HEPH: variants seen among roughly 807,000 people sequenced by gnomAD.
HEPH encodes hephaestin.
A neutral mutation model predicts 80.8 loss-of-function variants in HEPH; 69 were observed. The ratio of observed to expected loss-of-function variants is 0.85; its 90% CI spans 0.70 to 1.04. The LOEUF is 1.04. Ranked by LOEUF, HEPH falls within the 50% of genes least tolerant of loss-of-function variation. The pLI is 0.00. For missense variants in HEPH, 1,115 were observed against 891.3 expected, an observed-to-expected ratio of 1.25 and a Z score of -3.20; for synonymous variants, 431 against 322.8, an observed-to-expected ratio of 1.34 and a Z score of -3.60.
intron 5 of HEPH, among the ~76,000 whole-genome samples, 177 bp downstream of exon 5, chrX:66,188,718 T>C (rs993451997): frequency 8.9e-6 from 1 of 112,279 alleles, no homozygotes; most frequent in African/African-American, 3.2e-5. Flanking sequence ...CTCCTAAGAT[T>C]ATGCAGCAGA....
chrX:66,166,430 G>C (rs982266712), intron 1 of HEPH, among the ~76,000 whole-genome samples: 89 of 111,601 alleles, frequency 8.0e-4, no homozygotes, highest in African/African-American at 2.8e-3. Context: ...CCCGATCTCA[G>C]GTGATCCACC....
intron 1 of HEPH, among the ~76,000 whole-genome samples, chrX:66,168,095 A>T (rs2086450073): frequency 8.9e-6 from 1 of 112,123 alleles, no homozygotes; most frequent in African/African-American, 3.2e-5. Flanking sequence ...GCAGGTCATG[A>T]GATGGAAAGG....
At chrX:66,203,220 C>A in intron 12 of HEPH, 144 bp from the exon 13 acceptor site, 1 of 466,098 alleles carries the variant, frequency 2.1e-6, no homozygotes, top group African/African-American at 2.4e-5. Context: ...ACTCTTTTAT[C>A]TATGTGTAGT....
At chrX:66,254,134 A>G (rs1391737193) in intron 15 of HEPH, among the ~76,000 whole-genome samples, 2 of 111,822 alleles carry the variant, frequency 1.8e-5, no homozygotes, top group African/African-American at 3.2e-5. Flanking sequence ...TTAATATAGC[A>G]TTATTTGGAA....
chrX:66,179,038 G>A (rs1226626012), intron 4 of HEPH, among the ~76,000 whole-genome samples: 5 of 111,589 alleles, frequency 4.5e-5, no homozygotes, highest in African/African-American at 1.3e-4. Context: ...TGTCCTAAAT[G>A]GTATTGCCTA....
intron 15 of HEPH, among the ~76,000 whole-genome samples, chrX:66,211,701 A>G (rs1346739754): frequency 8.9e-6 from 1 of 111,904 alleles, no homozygotes; most frequent in African/African-American, 3.2e-5. Flanking sequence ...ATAGTATTCC[A>G]TTGTGTATAT....
In HEPH at chrX:66,190,820, C is replaced by A. The variant is rs1405007404; in HGVS notation, c.1063+882C>A. On this transcript the variant is annotated intron_variant, in intron 6 of 20. Transcript: ENST00000343002. Reference sequence around the variant, plus strand: ...GGGACAGTTACATGTACTCCATTATCCAGGGTATGTCTTAGCCCCAAAGCT... The same window carrying A: ...GGGACAGTTACATGTACTCCATTATACAGGGTATGTCTTAGCCCCAAAGCT... Among the ~76,000 whole-genome samples the A allele has an allele frequency of 3.6e-5, 4 of 111,279 alleles. No individual in the cohort carries two copies. In the Admixed American group the frequency reaches 3.8e-4, roughly 11 times the overall value.
intron 15 of HEPH, among the ~76,000 whole-genome samples, chrX:66,234,536 G>T (rs762661877): frequency 2.7e-5 from 3 of 110,826 alleles, no homozygotes; most frequent in Non-Finnish European, 5.7e-5. Flanking sequence ...CCCACCAACA[G>T]TGTATAAGCA....
chrX:66,195,284 T>C lies in HEPH; in HGVS notation c.1501+55T>C, dbSNP rs1602289108. 26 of 980,127 alleles carry C rather than the reference T, an allele frequency of 2.7e-5. No individual in the cohort carries two copies. The East Asian group carries it at 3.5e-4, about 13-fold the overall frequency. The allele number at this position is 980,127 out of a possible 1,213,427, so 80.8% of individuals were successfully genotyped here. On this transcript the variant is annotated intron_variant, in intron 9 of 20. Coordinates refer to ENST00000343002, the MANE Select transcript of HEPH (RefSeq NM_001367233.3). ...GGCTCTAGGTGGTACCATGTGTCTC[T>C]AGAAAACAAATAAATGGGAGATGGA... is the stretch of plus-strand genomic sequence containing the variant.
intron 18 of HEPH, among the ~76,000 whole-genome samples, chrX:66,259,510 A>T (rs2091285588): frequency 8.9e-6 from 1 of 111,980 alleles, no homozygotes; most frequent in African/African-American, 3.2e-5. Flanking sequence ...TTCTAAAGGA[A>T]ATATATGCCT....
chrX:66,178,443 C>A (rs1387174997), intron 4 of HEPH, among the ~76,000 whole-genome samples: 3 of 112,415 alleles, frequency 2.7e-5, no homozygotes, highest in Non-Finnish European at 5.6e-5. Flanking sequence ...GATTTATAAT[C>A]CTTTGGGTAT....
intron 15 of HEPH, among the ~76,000 whole-genome samples, chrX:66,210,490 A>T (rs764691964): frequency 2.2e-4 from 25 of 111,620 alleles, no homozygotes; most frequent in Admixed American, 2.0e-3. Context: ...CTAGGGACTA[A>T]TAGGCTAGAG....
chrX:66,166,554 A>G (rs889956395), intron 1 of HEPH, among the ~76,000 whole-genome samples: 7 of 111,963 alleles, frequency 6.3e-5, no homozygotes, highest in Non-Finnish European at 7.5e-5. Context: ...CTCTTTTAGT[A>G]TATGATAAAA....
At chrX:66,202,090 G>A (rs2088489878) in intron 12 of HEPH, among the ~76,000 whole-genome samples, 1 of 111,821 alleles carries the variant, frequency 8.9e-6, no homozygotes, top group Non-Finnish European at 1.9e-5. Flanking sequence ...CTCTATTTGG[G>A]CCAAAATAGT....
At chrX:66,187,903 G>C (rs2147676255) in intron 4 of HEPH, among the ~76,000 whole-genome samples, 1 of 110,940 alleles carries the variant, frequency 9.0e-6, no homozygotes, top group Admixed American at 9.5e-5. Flanking sequence ...TTTTTTTCTT[G>C]CTTCACTTTT....
intron 15 of HEPH, among the ~76,000 whole-genome samples, chrX:66,250,362 G>T (rs953724115): frequency 1.8e-5 from 2 of 111,244 alleles, no homozygotes; most frequent in South Asian, 7.4e-4. Context: ...CACTTTATCC[G>T]GTGATTAATA....
At chrX:66,265,133 T>G (rs1225982319) in intron 20 of HEPH, among the ~76,000 whole-genome samples, 1 of 110,850 alleles carries the variant, frequency 9.0e-6, no homozygotes, top group Admixed American at 9.8e-5. Context: ...GAGCTTCTAT[T>G]TGAACTCATT....
At chrX:66,197,635 T>A (rs764395851) in intron 9 of HEPH, 48 bp from the exon 10 acceptor site, 1 of 1,059,385 alleles carries the variant, frequency 9.4e-7, no homozygotes, top group Non-Finnish European at 1.3e-6. Context: ...GAGCTGATGA[T>A]TCTCATTCTA....
chrX:66,235,891 T>C (rs2090341945), intron 15 of HEPH, among the ~76,000 whole-genome samples: 1 of 111,282 alleles, frequency 9.0e-6, no homozygotes, highest in South Asian at 3.8e-4. Context: ...TGGAATGGAA[T>C]GGAATGGAAT....
Sources: gnomAD v4.1 joint callset for allele counts (sites outside exome capture counted in the v4.1 genomes callset) on GRCh38, gnomAD v4.1.1 for gene constraint, MANE v1.5 for transcripts, NCBI Gene and HGNC (gene_info 2026-07-23, HGNC 2026-07-21) for gene names.